The following SLMAP variants were observed in gnomAD, a reference collection of about 807,000 sequenced individuals.
The protein encoded by SLMAP is sarcolemma associated protein, also known as sarcolemmal membrane-associated protein.
Under a neutral mutation model 128.8 loss-of-function variants are expected in SLMAP, and 44 were observed. The observed-to-expected ratio is 0.34, with a 90% confidence interval of 0.27 to 0.44. The LOEUF (loss-of-function observed/expected upper bound fraction) is 0.44. SLMAP is among the 20% of genes least tolerant of loss of function. The pLI is 1.00. For synonymous variants in SLMAP, 327 were observed against 348.8 expected, an observed-to-expected ratio of 0.94 and a Z score of 0.70; for missense variants, 787 against 985.3, an observed-to-expected ratio of 0.80 and a Z score of 2.69.
chr3:57,870,968 T>C (rs1334091817), intron 13 of SLMAP, among the ~76,000 whole-genome samples: 4 of 152,246 alleles, frequency 2.6e-5, no homozygotes, highest in African/African-American at 9.6e-5. Context: ...ACATTTTTAT[T>C]GTCTCCATTC....
chr3:57,873,096 A>T (rs1031748), intron 14 of SLMAP, among the ~76,000 whole-genome samples: 46,823 of 152,136 alleles, frequency 0.31, 7,539 homozygotes, highest in East Asian at 0.48. Context: ...TTCATTTAAT[A>T]GTTTTCACAG....
At chr3:57,763,714 A>G (rs1232714165) in intron 2 of SLMAP, among the ~76,000 whole-genome samples, 5 of 152,220 alleles carry the variant, frequency 3.3e-5, no homozygotes, top group African/African-American at 1.2e-4. Context: ...AGAGAGGGTG[A>G]CAGTGCACTT....
chr3:57,906,300 C>CTTTTTTTTTTTTTTTTTTT (rs112949836), intron 17 of SLMAP, among the ~76,000 whole-genome samples: 2 of 71,264 alleles, frequency 2.8e-5, no homozygotes, highest in African/African-American at 4.8e-5. Flanking sequence ...AAATTTTTTT[C>CTTTTTTTTTTTTTTTTTTT]TTTTTTTTTC....
At chr3:57,763,637 A>G (rs2079107389) in intron 2 of SLMAP, among the ~76,000 whole-genome samples, 1 of 152,088 alleles carries the variant, frequency 6.6e-6, no homozygotes, top group African/African-American at 2.4e-5. Context: ...ATAGTGGTAA[A>G]GGGGGAGAAA....
rs578237758 is a variant in SLMAP, at chr3:57,905,858, A to G, written c.1502-2026A>G. Among the ~76,000 whole-genome samples the G allele has an allele frequency of 6.6e-5, 10 of 152,176 alleles. No individual in the cohort carries two copies. The South Asian group carries it at 1.5e-3, about 22-fold the overall frequency. On this transcript the variant is annotated intron_variant, in intron 17 of 24. Coordinates refer to ENST00000671191, the MANE Select transcript of SLMAP (RefSeq NM_001377540.1). ...CAATATCTGACCAGGAAAACTACCA[A>G]ACATCCTACAATTCATAGGGTAGCC...
chr3:57,912,590 C>A lies in SLMAP; in HGVS notation c.1909C>A (p.Arg637=). ...GGTGAGAGCTGAGCTTGAGCGGTGGCGGAAAGCAGCGTCTGAATATGAGAA... is the reference window on the plus strand; with the variant it reads ...GGTGAGAGCTGAGCTTGAGCGGTGGAGGAAAGCAGCGTCTGAATATGAGAA... ...KKVRAELERW[R]KAASEYEKEI... The change falls in exon 20 of 25, where the codon CGG becomes AGG. Residue 637 remains arginine (R), a synonymous_variant. Coordinates refer to ENST00000671191, the MANE Select transcript of SLMAP (RefSeq NM_001377540.1). 1 of 1,614,040 alleles carries A rather than the reference C, an allele frequency of 6.2e-7. No individual in the cohort carries two copies. Among genetic ancestry groups the A allele is most frequent in the Non-Finnish European group, 8.5e-7 (1 of 1,179,970 alleles).
At chr3:57,846,800 C>A (rs1260591224) in intron 4 of SLMAP, among the ~76,000 whole-genome samples, 3 of 152,004 alleles carry the variant, frequency 2.0e-5, no homozygotes, top group African/African-American at 7.2e-5. Context: ...CTCAGGTGAT[C>A]CTCCCGCCTC....
intron 3 of SLMAP, among the ~76,000 whole-genome samples, chr3:57,839,880 G>A (rs1159393352): frequency 6.6e-6 from 1 of 151,624 alleles, no homozygotes; most frequent in African/African-American, 2.4e-5. Context: ...TAGTAGAGGG[G>A]TTTTGCCATG....
intron 19 of SLMAP, among the ~76,000 whole-genome samples, chr3:57,910,228 G>T (rs975230670): frequency 2.0e-5 from 3 of 152,104 alleles, no homozygotes; most frequent in African/African-American, 4.8e-5. Context: ...GTCTTGCTCT[G>T]TTGCCCAGGC....
intron 17 of SLMAP, among the ~76,000 whole-genome samples, chr3:57,902,485 C>T (rs1287749977): frequency 6.6e-6 from 1 of 152,136 alleles, no homozygotes; most frequent in Non-Finnish European, 1.5e-5. Context: ...ATGATATGAT[C>T]AGATCTGCAT....
intron 14 of SLMAP, among the ~76,000 whole-genome samples, 191 bp downstream of exon 14, chr3:57,871,889 C>G (rs966883406): frequency 5.9e-5 from 9 of 152,174 alleles, no homozygotes; most frequent in African/African-American, 1.4e-4. Context: ...TTTGCCTTCA[C>G]AGATGGAGCT....
chr3:57,879,555 T>A (rs1219391782), intron 14 of SLMAP, among the ~76,000 whole-genome samples: 1 of 152,198 alleles, frequency 6.6e-6, no homozygotes, highest in Non-Finnish European at 1.5e-5. Context: ...GGTTTTCCAT[T>A]TATATAAAGT....
At chr3:57,815,296 A>G (rs1015226085) in intron 2 of SLMAP, among the ~76,000 whole-genome samples, 4 of 152,160 alleles carry the variant, frequency 2.6e-5, no homozygotes, top group Non-Finnish European at 4.4e-5. Flanking sequence ...CCCATTTCCT[A>G]ACAGGTCACA....
intron 2 of SLMAP, among the ~76,000 whole-genome samples, chr3:57,794,164 C>G (rs1338549481): frequency 1.3e-5 from 2 of 151,922 alleles, no homozygotes; most frequent in Non-Finnish European, 2.9e-5. Context: ...TTTATTTTCT[C>G]CCTATTCTGA....
intron 15 of SLMAP, among the ~76,000 whole-genome samples, chr3:57,895,507 T>C (rs1371026091): frequency 3.9e-5 from 6 of 152,048 alleles, no homozygotes; most frequent in African/African-American, 1.2e-4. Context: ...GCTAATTTTT[T>C]GTATTTTTTG....
chr3:57,799,670 G>A (rs922471460), intron 2 of SLMAP, among the ~76,000 whole-genome samples: 5 of 152,056 alleles, frequency 3.3e-5, no homozygotes, highest in African/African-American at 9.7e-5. Flanking sequence ...TTCTGTGGAG[G>A]AAAATGGGGA....
rs143880118 is a variant in SLMAP, at chr3:57,921,161, C to G, written c.2311-1728C>G. Among the ~76,000 whole-genome samples, 327 of 152,300 alleles carry G rather than the reference C, an allele frequency of 2.1e-3. 1 individual carries two copies. Among genetic ancestry groups the G allele is most frequent in the African/African-American group, 7.6e-3 (317 of 41,556 alleles). ...TAGAAGTGGAACCAGTCTAGAATTT[C>G]AGCCTCCAGGCACCATTTAAAGTAG... is the stretch of plus-strand genomic sequence containing the variant. On this transcript the variant is annotated intron_variant, in intron 22 of 24. Coordinates refer to ENST00000671191, the MANE Select transcript of SLMAP (RefSeq NM_001377540.1).
intron 9 of SLMAP, among the ~76,000 whole-genome samples, chr3:57,861,742 G>GAT (rs2095075166): frequency 6.6e-6 from 1 of 151,876 alleles, no homozygotes; most frequent in Non-Finnish European, 1.5e-5. Flanking sequence ...TTTTTTTGTT[G>GAT]TTTTTGTTAA....
intron 3 of SLMAP, among the ~76,000 whole-genome samples, chr3:57,835,120 T>TC (rs1162853673): frequency 3.2e-4 from 11 of 34,494 alleles, no homozygotes; most frequent in Middle Eastern, 0.025. Context: ...AGACCCTGTC[T>TC]CAAAAAAAAA....
Sources: gnomAD v4.1 joint callset for allele counts (sites outside exome capture counted in the v4.1 genomes callset) on GRCh38, gnomAD v4.1.1 for gene constraint, MANE v1.5 for transcripts, NCBI Gene and HGNC (gene_info 2026-07-23, HGNC 2026-07-21) for gene names.